KIF13B: variants seen among roughly 807,000 people sequenced by gnomAD.
KIF13B encodes kinesin family member 13B, also known as kinesin-like protein KIF13B.
A neutral mutation model predicts 222.0 loss-of-function variants in KIF13B; 127 were observed. The ratio of observed to expected loss-of-function variants is 0.57; its 90% CI spans 0.50 to 0.66. The LOEUF (loss-of-function observed/expected upper bound fraction) is 0.66. Among genes scored for constraint, KIF13B ranks in the 30% least tolerant of loss-of-function variants. The probability of loss-of-function intolerance (pLI) is 0.00; values close to 1 mark genes in which losing one functional copy is unlikely to be tolerated. For synonymous variants in KIF13B, 976 were observed against 919.0 expected (o/e 1.06, Z -1.12); for missense variants, 2,173 against 2,379.0 (o/e 0.91, Z 1.80).
intron 2 of KIF13B, among the ~76,000 whole-genome samples, chr8:29,208,597 T>C (rs532781967): frequency 1.3e-5 from 2 of 152,308 alleles, no homozygotes; most frequent in East Asian, 3.9e-4. Flanking sequence ...GCTATGGGGC[T>C]CCATGTTCTA....
intron 14 of KIF13B, among the ~76,000 whole-genome samples, chr8:29,151,607 T>C (rs1231365622): frequency 2.6e-5 from 4 of 152,212 alleles, no homozygotes. Context: ...CTGTGCTCTG[T>C]AAATGGAACA....
intron 4 of KIF13B, 54 bp from the exon 5 acceptor site, chr8:29,188,661 C>T: frequency 8.9e-7 from 1 of 1,128,084 alleles, no homozygotes; most frequent in Non-Finnish European, 1.3e-6. Flanking sequence ...TACATATGAA[C>T]AATTCACAAA....
At chr8:29,258,121 C>G (rs1816554326) in intron 1 of KIF13B, among the ~76,000 whole-genome samples, 1 of 152,192 alleles carries the variant, frequency 6.6e-6, no homozygotes, top group Admixed American at 6.5e-5. Flanking sequence ...TCTGAGAATA[C>G]TGAAGAATCA....
chr8:29,104,200 G>A (rs1282655809), intron 35 of KIF13B, among the ~76,000 whole-genome samples: 5 of 151,322 alleles, frequency 3.3e-5, no homozygotes, highest in Non-Finnish European at 7.4e-5. Flanking sequence ...CTATCCCCTC[G>A]GGCTCCCAAA....
intron 2 of KIF13B, among the ~76,000 whole-genome samples, chr8:29,197,352 A>AAAAAAAAAAC: frequency 6.7e-6 from 1 of 149,542 alleles, no homozygotes; most frequent in Non-Finnish European, 1.5e-5. Context: ...AAAAAAAAAA[A>AAAAAAAAAAC]AAAAAAAAAC....
Position 29,070,770 on chromosome 8 carries a change from C to A in KIF13B, c.5219-4G>T. 1 of 1,586,448 alleles carries A rather than the reference C, an allele frequency of 6.3e-7. No individual in the cohort carries two copies. The highest frequency in any genetic ancestry group is 8.6e-7 in the Non-Finnish European group (1 of 1,167,130). On this transcript the variant is annotated splice_polypyrimidine_tract_variant and splice_region_variant and intron_variant, in intron 39 of 39. Coordinates refer to ENST00000524189, the MANE Select transcript of KIF13B (RefSeq NM_015254.4). The surrounding 1 kb of genome is among the most constrained non-coding windows in gnomAD (Gnocchi z 4.1). ...CCGATGGAACCGTCATTCTTACCTG[C>A]GGGGGAAGGAGAGGGTGATATGGAG...
Position 29,150,331 on chromosome 8 carries a change from C to G in KIF13B, c.1588G>C (p.Asp530His), listed in dbSNP as rs1353146685. The part of the protein sequence containing the change: ...VSSPIQLHHG[D>H]RILWGNNHFF... Reference sequence around the variant, plus strand: ...TGATTGTTTCCCCATAATATCCTGTCCCCATGGTGTAGCTGTATTGGACTG... The same window carrying G: ...TGATTGTTTCCCCATAATATCCTGTGCCCATGGTGTAGCTGTATTGGACTG... Residue 530 changes from aspartate to histidine, a missense_variant, in exon 15 of 40, where the codon GAC (aspartate) becomes CAC (histidine). By Grantham distance (81) the Asp-to-His change is moderately conservative. Coordinates refer to ENST00000524189, the MANE Select transcript of KIF13B (RefSeq NM_015254.4). 1 of 1,594,030 alleles carries G rather than the reference C, an allele frequency of 6.3e-7. No individual in the cohort carries two copies. The highest frequency in any genetic ancestry group is 1.3e-5 in the African/African-American group (1 of 74,680).
At chr8:29,073,116 C>T (rs141785501) in intron 38 of KIF13B, among the ~76,000 whole-genome samples, 1,756 of 29,014 alleles carry the variant, frequency 0.061, 116 homozygotes, top group African/African-American at 0.093. Flanking sequence ...AGGAGGGGGA[C>T]GAGGAGGGGG....
intron 2 of KIF13B, among the ~76,000 whole-genome samples, chr8:29,200,297 T>C (rs1813635016): frequency 6.6e-6 from 1 of 152,176 alleles, no homozygotes; most frequent in Non-Finnish European, 1.5e-5. Context: ...TACAGCCATG[T>C]CTCACTCATC....
chr8:29,138,808 G>A (rs924733040), intron 21 of KIF13B, among the ~76,000 whole-genome samples: 14 of 152,272 alleles, frequency 9.2e-5, no homozygotes, highest in Non-Finnish European at 1.8e-4. Context: ...GAAAGCGAGC[G>A]AGTGAGAGAG....
intron 37 of KIF13B, among the ~76,000 whole-genome samples, chr8:29,083,110 C>CA (rs1329486283): frequency 1.3e-5 from 2 of 151,950 alleles, no homozygotes; most frequent in African/African-American, 2.4e-5. Flanking sequence ...GCCTGGGCAA[C>CA]AGAGCAAGAC....
chr8:29,182,062 A>G, intron 6 of KIF13B, 56 bp from the exon 7 acceptor site: 14 of 1,331,866 alleles, frequency 1.1e-5, no homozygotes, highest in Non-Finnish European at 1.5e-5. Context: ...TTTAAAAAGG[A>G]CTCAGCTCTG....
rs372471753 is a variant in KIF13B, at chr8:29,243,303, G to A, written c.149+2043C>T. On this transcript the variant is annotated intron_variant, in intron 2 of 39. Transcript: ENST00000524189. ...GCGGAGGTTGCAGTGAGCCAAGATC[G>A]CCACCATTTCACTTCAGCCTGGGCA... 6.6e-4 allele frequency among the ~76,000 whole-genome samples: 98 copies of A among 148,196 alleles called. 1 individual carries two copies. In the South Asian group the frequency reaches 0.02, roughly 31 times the overall value.
At position 29,102,095 on chromosome 8, in the gene KIF13B, GA is replaced by G. The variant is rs367928025; in HGVS notation, c.4216-2855del. On this transcript the variant is annotated intron_variant, in intron 35 of 39. Transcript: ENST00000524189. Reference sequence around the variant, plus strand: ...TAAAATGTTGGGGTAGATTAAAAAAGAAAAAAAAAAAAAGAAAAATGAAGCA... The same window carrying G: ...TAAAATGTTGGGGTAGATTAAAAAAGAAAAAAAAAAAAGAAAAATGAAGCA... Among the ~76,000 whole-genome samples the G allele has an allele frequency of 8.1e-3, 917 of 113,756 alleles. 7 individuals are homozygous for G. The highest frequency in any genetic ancestry group is 0.02 in the African/African-American group (605 of 30,788). The allele number at this position is 113,756 out of a possible 152,430, so 74.6% of individuals were successfully genotyped here. A position where few individuals can be genotyped will look rare whatever the true frequency, so the allele number is the denominator to read the frequency against.
intron 2 of KIF13B, among the ~76,000 whole-genome samples, chr8:29,228,472 A>AAAAAAAAAAAATATAT: frequency 4.3e-5 from 5 of 117,070 alleles, no homozygotes; most frequent in African/African-American, 9.8e-5. Flanking sequence ...ATCTTAAAAA[A>AAAAAAAAAAAATATAT]ATATATATAT....
At chr8:29,209,418 C>G (rs1343523712) in intron 2 of KIF13B, among the ~76,000 whole-genome samples, 2 of 152,154 alleles carry the variant, frequency 1.3e-5, no homozygotes, top group Admixed American at 1.3e-4. Flanking sequence ...ACAAGCTCCT[C>G]CCACCATCCT....
At chr8:29,199,057 A>G (rs531556320) in intron 2 of KIF13B, among the ~76,000 whole-genome samples, 8 of 143,500 alleles carry the variant, frequency 5.6e-5, no homozygotes, top group African/African-American at 2.2e-4. Flanking sequence ...CTTGTACCCA[A>G]AAGCTATTAA....
At chr8:29,137,156 C>T (rs1810601008) in intron 21 of KIF13B, among the ~76,000 whole-genome samples, 1 of 152,084 alleles carries the variant, frequency 6.6e-6, no homozygotes, top group Admixed American at 6.6e-5. Flanking sequence ...TGACTAAATT[C>T]CATCTGAAAA....
chr8:29,099,783 T>C (rs893103612), intron 35 of KIF13B, among the ~76,000 whole-genome samples: 1 of 152,132 alleles, frequency 6.6e-6, no homozygotes, highest in African/African-American at 2.4e-5. Flanking sequence ...GTTTACAGTC[T>C]CCCATTAAGC....
Sources: allele counts gnomAD v4.1 joint callset (sites outside exome capture counted in the v4.1 genomes callset), GRCh38; gene constraint gnomAD v4.1.1; non-coding constraint Gnocchi (gnomAD v3.1); transcripts MANE v1.5; gene names NCBI Gene and HGNC (gene_info 2026-07-23, HGNC 2026-07-21).